Variants in EFNA5 observed in about 807,000 individuals in gnomAD.
The protein encoded by EFNA5 is ephrin-A5.
EFNA5 carries 5 observed loss-of-function variants against 22.9 expected under a neutral mutation model. The observed-to-expected ratio is 0.22, with a 90% CI of 0.11 to 0.46. The LOEUF (loss-of-function observed/expected upper bound fraction) is 0.46. EFNA5 is among the 20% of genes least tolerant of loss of function. The pLI is 0.99. For missense variants in EFNA5, 237 were observed against 293.3 expected (o/e 0.81, Z 1.40); for synonymous variants, 113 against 112.2 (o/e 1.01, Z -0.04).
intron 1 of EFNA5, among the ~76,000 whole-genome samples, chr5:107,474,360 T>A (rs558319092): frequency 1.3e-5 from 2 of 152,290 alleles, no homozygotes; most frequent in Admixed American, 1.3e-4. Context: ...GTATACCAAG[T>A]AATCAATAAT....
chr5:107,566,812 A>G (rs1580533921), intron 1 of EFNA5, among the ~76,000 whole-genome samples: 1 of 152,228 alleles, frequency 6.6e-6, no homozygotes, highest in Non-Finnish European at 1.5e-5. Flanking sequence ...TGAAAGTACT[A>G]AAGAACAGAA....
chr5:107,536,890 AG>A (rs1222326531), intron 1 of EFNA5, among the ~76,000 whole-genome samples: 1 of 152,078 alleles, frequency 6.6e-6, no homozygotes, highest in Non-Finnish European at 1.5e-5. Flanking sequence ...GCAGATCATG[AG>A]GTCAGGAGTT....
intron 1 of EFNA5, among the ~76,000 whole-genome samples, chr5:107,548,326 C>A (rs369597016): frequency 1.3e-5 from 2 of 152,182 alleles, no homozygotes; most frequent in African/African-American, 4.8e-5. Flanking sequence ...ATCTCTCCCC[C>A]TTTCACACCA....
At chr5:107,442,838 T>A (rs1351857353) in intron 1 of EFNA5, among the ~76,000 whole-genome samples, 1 of 151,188 alleles carries the variant, frequency 6.6e-6, no homozygotes, top group East Asian at 1.9e-4. Flanking sequence ...GACAAATTAC[T>A]TCTTCTTTCT....
intron 1 of EFNA5, among the ~76,000 whole-genome samples, chr5:107,592,341 G>C (rs1749388188): frequency 6.6e-6 from 1 of 151,486 alleles, no homozygotes; most frequent in African/African-American, 2.4e-5. Context: ...CTAAATCACA[G>C]TACACTTTTG....
At chr5:107,567,235 C>G (rs1268071542) in intron 1 of EFNA5, among the ~76,000 whole-genome samples, 1 of 152,106 alleles carries the variant, frequency 6.6e-6, no homozygotes, top group Non-Finnish European at 1.5e-5. Context: ...CCCCACAGAT[C>G]AAATTCCACT....
chr5:107,450,330 A>T (rs1230807613), intron 1 of EFNA5, among the ~76,000 whole-genome samples: 1 of 152,086 alleles, frequency 6.6e-6, no homozygotes, highest in Non-Finnish European at 1.5e-5. Context: ...TTCCTTGAAA[A>T]CTGGTGCTAT....
chr5:107,471,069 C>G (rs1481320257), intron 1 of EFNA5, among the ~76,000 whole-genome samples: 1 of 152,150 alleles, frequency 6.6e-6, no homozygotes, highest in Non-Finnish European at 1.5e-5. Flanking sequence ...TCTAGCTGGT[C>G]TCACTTGTCT....
At chr5:107,443,334 C>A (rs912415313) in intron 1 of EFNA5, among the ~76,000 whole-genome samples, 3 of 152,206 alleles carry the variant, frequency 2.0e-5, no homozygotes, top group African/African-American at 7.2e-5. Context: ...AGAGAAATTT[C>A]TTGGGTGTTG....
intron 1 of EFNA5, among the ~76,000 whole-genome samples, chr5:107,521,496 A>G (rs572759997): frequency 3.3e-4 from 47 of 140,984 alleles, no homozygotes; most frequent in African/African-American, 1.2e-3. Context: ...TTTTTTGGAG[A>G]GACAGGGTTT....
intron 1 of EFNA5, among the ~76,000 whole-genome samples, chr5:107,631,289 A>ACACACT (rs749571174): frequency 5.7e-5 from 8 of 139,466 alleles, no homozygotes; most frequent in Admixed American, 7.1e-5. Flanking sequence ...ACACACACAC[A>ACACACT]CTCTCTGTCT....
intron 1 of EFNA5, among the ~76,000 whole-genome samples, chr5:107,619,931 C>T (rs1314213850): frequency 6.6e-6 from 1 of 152,188 alleles, no homozygotes. Flanking sequence ...AAAACTGTGA[C>T]TCCTCCAATT....
At chr5:107,382,852 C>G (rs138342003) in intron 4 of EFNA5, among the ~76,000 whole-genome samples, 78 of 152,272 alleles carry the variant, frequency 5.1e-4, no homozygotes, top group African/African-American at 1.9e-3. Context: ...CTCAATTATA[C>G]TGACCTCAAA....
At chr5:107,535,758 C>A (rs1423689385) in intron 1 of EFNA5, among the ~76,000 whole-genome samples, 1 of 151,914 alleles carries the variant, frequency 6.6e-6, no homozygotes, top group Non-Finnish European at 1.5e-5. Flanking sequence ...TCGTTATGGG[C>A]AAAATTAATT....
At chr5:107,612,493 A>G (rs557380441) in intron 1 of EFNA5, among the ~76,000 whole-genome samples, 6 of 152,140 alleles carry the variant, frequency 3.9e-5, no homozygotes, top group Non-Finnish European at 7.4e-5. Context: ...TTTTTAAAAT[A>G]TAATTTGAAA....
At chr5:107,495,464 C>T (rs1428416063) in intron 1 of EFNA5, among the ~76,000 whole-genome samples, 2 of 152,204 alleles carry the variant, frequency 1.3e-5, no homozygotes, top group Non-Finnish European at 2.9e-5. Context: ...CGCGAGGGTC[C>T]GCGGCCTCAT....
intron 1 of EFNA5, among the ~76,000 whole-genome samples, chr5:107,514,821 T>C (rs1747443118): frequency 6.6e-6 from 1 of 152,120 alleles, no homozygotes; most frequent in South Asian, 2.1e-4. Flanking sequence ...ACTGACTTAA[T>C]CTCCTACCTC....
chr5:107,526,053 A>C (rs1041530314), intron 1 of EFNA5, among the ~76,000 whole-genome samples: 1 of 152,222 alleles, frequency 6.6e-6, no homozygotes, highest in Non-Finnish European at 1.5e-5. Flanking sequence ...AAGGTCAATC[A>C]AAAGAAGACA....
rs140489124 is a variant in EFNA5 at position 107,543,223 on chromosome 5, C to A, written c.126-115714G>T. 3.9e-5 allele frequency among the ~76,000 whole-genome samples: 6 copies of A among 152,268 alleles called. No homozygotes were observed. The East Asian group carries it at 1.2e-3, about 29-fold the overall frequency. ...CCTCCACTCCGACAGGAGCTAAATT[C>A]ATCCATCAGTGAGAAAACAAAGTAG... On this transcript the variant is annotated intron_variant, in intron 1 of 4. Transcript: ENST00000333274.
Sources: allele counts gnomAD v4.1 joint callset (sites outside exome capture counted in the v4.1 genomes callset), GRCh38; gene constraint gnomAD v4.1.1; transcripts MANE v1.5; gene names NCBI Gene and HGNC (gene_info 2026-07-23, HGNC 2026-07-21).